PTPN13: variants seen among roughly 807,000 people sequenced by gnomAD.
PTPN13 encodes tyrosine-protein phosphatase non-receptor type 13.
In PTPN13, 191 loss-of-function variants were observed where a neutral mutation model predicts 284.0. The ratio of observed to expected loss-of-function variants is 0.67; its 90% CI spans 0.60 to 0.76. The LOEUF (loss-of-function observed/expected upper bound fraction) is 0.76. PTPN13 is among the 30% of genes least tolerant of loss of function. The pLI, the probability that PTPN13 is intolerant of heterozygous loss-of-function variation, is 0.00. For synonymous variants in PTPN13, 986 were observed against 1,022.3 expected (o/e 0.96, Z 0.68); for missense variants, 2,797 against 2,939.9 (o/e 0.95, Z 1.12).
chr4:86,681,036 A>G (rs111812914), intron 3 of PTPN13, among the ~76,000 whole-genome samples: 2 of 151,830 alleles, frequency 1.3e-5, no homozygotes, highest in East Asian at 1.9e-4. Flanking sequence ...GATGATGGTG[A>G]TGATGATGAT....
intron 2 of PTPN13, among the ~76,000 whole-genome samples, chr4:86,636,178 G>A (rs953282664): frequency 6.6e-6 from 1 of 151,812 alleles, no homozygotes; most frequent in African/African-American, 2.4e-5. Flanking sequence ...TGAGAGGGAG[G>A]GGAAAAAAAT....
chr4:86,791,435 A>C (rs193247895), intron 40 of PTPN13, among the ~76,000 whole-genome samples: 5 of 152,330 alleles, frequency 3.3e-5, no homozygotes, highest in Admixed American at 2.6e-4. Context: ...AGAGCAGAAC[A>C]AAAGGAAGCA....
rs773869883 is a variant in PTPN13, at chr4:86,689,008, A to G, written c.364A>G (p.Ile122Val). The change falls in exon 5 of 48, where the codon ATT becomes GTT. Residue 122 changes from isoleucine to valine, a missense_variant. Transcript: ENST00000411767. ...CTTTTCCTTTATTTATATTCAGCCTATTAAGCTTGGAGATCATCTCAACAG... is the reference window on the plus strand; with the variant it reads ...CTTTTCCTTTATTTATATTCAGCCTGTTAAGCTTGGAGATCATCTCAACAG... ...ADYEVPQSQP[I>V]KLGDHLNSIL... 12 of 1,549,206 alleles carry G rather than the reference A, an allele frequency of 7.7e-6. No individual in the cohort carries two copies. Among genetic ancestry groups the G allele is most frequent in the Middle Eastern group, 1.7e-4 (1 of 5,980 alleles).
Position 86,809,685 on chromosome 4 carries a change from T to C in PTPN13, c.7084-84T>C, listed in dbSNP as rs1565634659. 2.3e-6 allele frequency: 3 copies of C among 1,295,058 alleles called. No individual in the cohort carries two copies. The South Asian group carries it at 3.9e-5, about 17-fold the overall frequency. The allele number at this position is 1,295,058 out of a possible 1,614,324, so 80.2% of individuals were successfully genotyped here. On this transcript the variant is annotated intron_variant, in intron 45 of 47. Coordinates refer to ENST00000411767, the MANE Select transcript of PTPN13 (RefSeq NM_080683.3). ...CAGCCTGGACAACAGAACGAGACCC[T>C]ATCTCAAGAAAGAAAAAAAAGAATT... is the stretch of plus-strand genomic sequence containing the variant.
chr4:86,809,407 A>G (rs1744980519), intron 45 of PTPN13, among the ~76,000 whole-genome samples: 1 of 152,194 alleles, frequency 6.6e-6, no homozygotes, highest in Admixed American at 6.5e-5. Flanking sequence ...AATATTAAGA[A>G]TTAATTGTGG....
intron 3 of PTPN13, among the ~76,000 whole-genome samples, chr4:86,677,816 C>T (rs1361825922): frequency 6.6e-6 from 1 of 152,122 alleles, no homozygotes; most frequent in Non-Finnish European, 1.5e-5. Context: ...TTGCTCTAGT[C>T]AGATAACACA....
chr4:86,657,920 G>T (rs1033831588), intron 2 of PTPN13, among the ~76,000 whole-genome samples: 1 of 152,184 alleles, frequency 6.6e-6, no homozygotes, highest in African/African-American at 2.4e-5. Flanking sequence ...AACTGGGGAG[G>T]GGTGATACAG....
intron 7 of PTPN13, among the ~76,000 whole-genome samples, chr4:86,703,812 T>G (rs950786200): frequency 1.3e-5 from 2 of 152,124 alleles, no homozygotes; most frequent in African/African-American, 4.8e-5. Context: ...GAAGCTGCAG[T>G]GATCTGTCAT....
chr4:86,771,167 A>C lies in PTPN13; in HGVS notation c.4804-4A>C. ...ACAAATCTCTTTAAATGTGTCCATT[A>C]CAGACCCCACTTCAGTCTCCAGCAC... On this transcript the variant is annotated splice_region_variant and splice_polypyrimidine_tract_variant and intron_variant, in intron 30 of 47. Coordinates refer to ENST00000411767, the MANE Select transcript of PTPN13 (RefSeq NM_080683.3). 6.2e-7 allele frequency: 1 copy of C among 1,604,358 alleles called. No homozygotes were observed. Among genetic ancestry groups the C allele is most frequent in the Non-Finnish European group, 8.5e-7 (1 of 1,174,912 alleles).
intron 1 of PTPN13, among the ~76,000 whole-genome samples, chr4:86,626,029 C>T (rs956448017): frequency 2.0e-5 from 3 of 152,106 alleles, no homozygotes; most frequent in Non-Finnish European, 4.4e-5. Context: ...AGACAATACT[C>T]AACATCAAAA....
chr4:86,727,984 G>A (rs919461373), intron 10 of PTPN13, among the ~76,000 whole-genome samples: 1 of 149,502 alleles, frequency 6.7e-6, no homozygotes, highest in South Asian at 2.1e-4. Flanking sequence ...ACACTGCTTT[G>A]AATGTGTCCC....
chr4:86,717,000 T>C (rs2076959133), intron 8 of PTPN13, 24 bp from the exon 9 acceptor site: 1 of 1,523,950 alleles, frequency 6.6e-7, no homozygotes. Context: ...CCTGTGCCAT[T>C]ATTTCTTTTT....
intron 3 of PTPN13, among the ~76,000 whole-genome samples, chr4:86,678,618 A>G (rs965444097): frequency 2.0e-5 from 3 of 152,168 alleles, no homozygotes; most frequent in South Asian, 2.1e-4. Context: ...ATTAAACTCA[A>G]TGTTTCTTCT....
At chr4:86,811,341 C>T (rs1281221144) in intron 47 of PTPN13, among the ~76,000 whole-genome samples, 1 of 152,072 alleles carries the variant, frequency 6.6e-6, no homozygotes, top group Non-Finnish European at 1.5e-5. Flanking sequence ...AATATCTGCA[C>T]TGAAGAGATT....
In PTPN13 at chr4:86,664,172, G is replaced by A. The variant is rs971340376; in HGVS notation, c.116-8193G>A. Among the ~76,000 whole-genome samples the A allele has an allele frequency of 3.3e-5, 5 of 152,080 alleles. No homozygotes were observed. In the East Asian group the frequency reaches 5.8e-4, roughly 18 times the overall value. Reference sequence around the variant, plus strand: ...GTGGATCAGGAAACAGAAAGCCTGCGTAATTTCTTAATTACCTTAAACTCC... The same window carrying A: ...GTGGATCAGGAAACAGAAAGCCTGCATAATTTCTTAATTACCTTAAACTCC... On this transcript the variant is annotated intron_variant, in intron 2 of 47. Transcript: ENST00000411767.
chr4:86,655,248 G>A (rs1302088207), intron 2 of PTPN13, among the ~76,000 whole-genome samples: 2 of 152,074 alleles, frequency 1.3e-5, no homozygotes, highest in Non-Finnish European at 2.9e-5. Context: ...TACATTTAAG[G>A]TTAATATTGT....
chr4:86,659,345 A>C (rs1317750615), intron 2 of PTPN13, among the ~76,000 whole-genome samples: 1 of 152,220 alleles, frequency 6.6e-6, no homozygotes, highest in Non-Finnish European at 1.5e-5. Context: ...TTCAGACTCT[A>C]AATTTTATCA....
chr4:86,788,869 T>G (rs987151516), intron 40 of PTPN13, among the ~76,000 whole-genome samples: 1 of 152,158 alleles, frequency 6.6e-6, no homozygotes, highest in African/African-American at 2.4e-5. Context: ...AGAAACATAT[T>G]CTGTTAAATG....
chr4:86,684,190 G>A (rs1459263250), intron 3 of PTPN13, among the ~76,000 whole-genome samples: 2 of 152,028 alleles, frequency 1.3e-5, no homozygotes, highest in Middle Eastern at 3.4e-3. Flanking sequence ...CGTCATCAAA[G>A]TGTGGTGCAG....
Sources: gnomAD v4.1 joint callset for allele counts (sites outside exome capture counted in the v4.1 genomes callset) on GRCh38, gnomAD v4.1.1 for gene constraint, MANE v1.5 for transcripts, NCBI Gene and HGNC (gene_info 2026-07-23, HGNC 2026-07-21) for gene names.